The following ATP11C variants were observed in gnomAD, a reference collection of about 807,000 sequenced individuals.
The protein encoded by ATP11C is phospholipid-transporting ATPase IG.
A neutral mutation model predicts 97.4 loss-of-function variants in ATP11C; 36 were observed. The ratio of observed to expected loss-of-function variants is 0.37; its 90% CI spans 0.28 to 0.49. ATP11C has a LOEUF of 0.49. Among genes scored for constraint, ATP11C ranks in the 20% least tolerant of loss-of-function variants. ATP11C has a pLI of 0.98. For missense variants in ATP11C, 730 were observed against 824.6 expected, an observed-to-expected ratio of 0.89 and a Z score of 1.40; for synonymous variants, 275 against 290.9, an observed-to-expected ratio of 0.95 and a Z score of 0.56.
chrX:139,905,610 A>G (rs1487126607), intron 1 of ATP11C, among the ~76,000 whole-genome samples: 6 of 112,329 alleles, frequency 5.3e-5, no homozygotes, highest in Non-Finnish European at 1.1e-4. Context: ...GGGATTAGAG[A>G]AAAAATAGGC....
upstream of ATP11C, among the ~76,000 whole-genome samples, chrX:139,934,339 A>C (rs974871442): frequency 9.0e-6 from 1 of 111,519 alleles, no homozygotes; most frequent in African/African-American, 3.3e-5. Flanking sequence ...ACTGCCAAGA[A>C]GTAAAACCAA....
In ATP11C at chrX:139,859,920, G is replaced by T. The variant is rs1380123568; in HGVS notation, c.28-33097C>A. Among the ~76,000 whole-genome samples, 3 of 84,647 alleles carry T rather than the reference G, an allele frequency of 3.5e-5. 1 individual carries two copies. The highest frequency in any genetic ancestry group is 1.7e-4 in the African/African-American group (2 of 11,788). 73.5% of individuals were successfully genotyped at this position (84,647 alleles called of 115,157 possible). On this transcript the variant is annotated intron_variant, in intron 1 of 29. Transcript: ENST00000682941. ...ATCGAGACCATCCCGGCTAAAAACG[G>T]TGAAACCCCGTCTCTACTAAAAATA...
chrX:139,864,092 G>A (rs769281526), intron 1 of ATP11C, among the ~76,000 whole-genome samples: 59 of 111,309 alleles, frequency 5.3e-4, no homozygotes, highest in African/African-American at 1.8e-3. Context: ...GAAGAAAAAC[G>A]AAAAGAGTAT....
At chrX:139,736,043 T>C (rs1463797314) in intron 28 of ATP11C, among the ~76,000 whole-genome samples, 8 of 112,002 alleles carry the variant, frequency 7.1e-5, no homozygotes, top group Non-Finnish European at 1.9e-5. Flanking sequence ...GACACTAGAA[T>C]TCTTCCTACG....
intron 1 of ATP11C, among the ~76,000 whole-genome samples, chrX:139,859,817 C>T (rs1402428539): frequency 1.5e-4 from 15 of 98,841 alleles, no homozygotes; most frequent in Non-Finnish European, 2.5e-4. Flanking sequence ...AAAGAAAGTG[C>T]TTGGCTGGGC....
At chrX:139,753,487 T>C (rs908368459) in intron 23 of ATP11C, among the ~76,000 whole-genome samples, 4 of 111,277 alleles carry the variant, frequency 3.6e-5, no homozygotes, top group African/African-American at 1.3e-4. Flanking sequence ...AAGAGGGAAA[T>C]TTATAGCACT....
At chrX:139,783,340 T>A in intron 16 of ATP11C, 73 bp from the exon 17 acceptor site, 1 of 718,865 alleles carries the variant, frequency 1.4e-6, no homozygotes, top group Non-Finnish European at 2.1e-6. Flanking sequence ...GAGTAACTTT[T>A]AAAGCGGTCT....
At chrX:139,748,320 A>C (rs757332150) in intron 24 of ATP11C, among the ~76,000 whole-genome samples, 10 of 109,807 alleles carry the variant, frequency 9.1e-5, no homozygotes, top group Non-Finnish European at 1.7e-4. Context: ...TAAGTAGCAG[A>C]GGCTTTCAGC....
At position 139,798,717 on chromosome X, in the gene ATP11C, A is replaced by T; in HGVS notation, c.737T>A (p.Leu246Gln). Residue 246 changes from leucine (L) to glutamine (Q), a missense_variant, in exon 9 of 30, where the codon CTG becomes CAG. Leu to Gln is a moderately radical substitution (Grantham distance 113). Transcript: ENST00000682941. Reference protein sequence around the residue: ...ARSLGPENLLLKGATLKNTEK... With the variant: ...ARSLGPENLLQKGATLKNTEK... ...GGTATTTTTTAGCGTAGCTCCTTTCAGCAAGAGATTTTCAGGTCCCAAAGA... is the reference window on the plus strand; with the variant it reads ...GGTATTTTTTAGCGTAGCTCCTTTCTGCAAGAGATTTTCAGGTCCCAAAGA... The T allele has an allele frequency of 8.3e-7, 1 of 1,208,624 alleles. No homozygotes were observed. Among genetic ancestry groups the T allele is most frequent in the Non-Finnish European group, 1.1e-6 (1 of 893,218 alleles).
chrX:139,782,412 TAATA>T (rs2082482031), intron 18 of ATP11C, 131 bp downstream of exon 18: 3 of 378,292 alleles, frequency 7.9e-6, no homozygotes, highest in Non-Finnish European at 1.3e-5. Context: ...ATACTTGCTA[TAATA>T]AATAAATCTT....
rs1259900267 is a variant in ATP11C, at chrX:139,753,313, A to T, written c.2701-3161T>A. 1.2e-4 allele frequency among the ~76,000 whole-genome samples: 14 copies of T among 112,127 alleles called. No individual in the cohort carries two copies. In the Admixed American group the frequency reaches 1.3e-3, roughly 11 times the overall value. The stretch of plus-strand genomic sequence containing the variant: ...ATAAAAATAGAAATGAATACTAAGA[A>T]AATCACTCAAAACCATACAACAACA... On this transcript the variant is annotated intron_variant, in intron 23 of 29. Coordinates refer to ENST00000682941, the MANE Select transcript of ATP11C (RefSeq NM_001353812.2).
At position 139,912,004 on chromosome X, in the gene ATP11C, C is replaced by T. The variant is rs75695490; in HGVS notation, c.27+20012G>A. 4.6e-3 allele frequency among the ~76,000 whole-genome samples: 492 copies of T among 108,081 alleles called. 4 individuals are homozygous for T. Among genetic ancestry groups the T allele is most frequent in the African/African-American group, 0.015 (455 of 29,689 alleles). 93.9% of individuals were successfully genotyped at this position (108,081 alleles called of 115,157 possible). Reference sequence around the variant, plus strand: ...GACCAGCCTGGCCATGGCAAGACCCCGTCTCTACTAAAATACAAAAATCAG... The same window carrying T: ...GACCAGCCTGGCCATGGCAAGACCCTGTCTCTACTAAAATACAAAAATCAG... On this transcript the variant is annotated intron_variant, in intron 1 of 29. Transcript: ENST00000682941.
intron 1 of ATP11C, among the ~76,000 whole-genome samples, chrX:139,891,899 C>T (rs2084736889): frequency 9.0e-6 from 1 of 111,240 alleles, no homozygotes; most frequent in African/African-American, 3.3e-5. Context: ...CTCTGTTGCC[C>T]AGGCTGGAGT....
chrX:139,769,557 T>G (rs775533031), intron 19 of ATP11C, among the ~76,000 whole-genome samples: 4 of 107,922 alleles, frequency 3.7e-5, no homozygotes, highest in Non-Finnish European at 1.9e-5. Flanking sequence ...AAGACAAATG[T>G]GTAACAGGTG....
chrX:139,914,749 C>A (rs898364548), intron 1 of ATP11C, among the ~76,000 whole-genome samples: 6 of 111,563 alleles, frequency 5.4e-5, no homozygotes. Flanking sequence ...AGTCTTGAAC[C>A]TACCAGTCTT....
At chrX:139,803,130 C>G in intron 6 of ATP11C, among the ~76,000 whole-genome samples, 1 of 111,904 alleles carries the variant, frequency 8.9e-6, no homozygotes, top group East Asian at 2.8e-4. Context: ...TTGAAAACCT[C>G]TGTACTTTTA....
chrX:139,857,124 C>T (rs1360316339), intron 1 of ATP11C, among the ~76,000 whole-genome samples: 1 of 111,660 alleles, frequency 9.0e-6, no homozygotes, highest in Non-Finnish European at 1.9e-5. Flanking sequence ...AATGAGTGTA[C>T]TTAATCTTGT....
At chrX:139,776,639 T>C (rs1218983691) in intron 18 of ATP11C, among the ~76,000 whole-genome samples, 1 of 111,198 alleles carries the variant, frequency 9.0e-6, no homozygotes, top group Admixed American at 9.5e-5. Context: ...CCTGCCACCA[T>C]CCTTCCCTCA....
intron 19 of ATP11C, among the ~76,000 whole-genome samples, chrX:139,773,519 T>A (rs767896665): frequency 8.9e-6 from 1 of 112,015 alleles, no homozygotes; most frequent in East Asian, 2.8e-4. Flanking sequence ...ATCCATCCAA[T>A]CTATGGTATT....
Sources: allele counts gnomAD v4.1 joint callset (sites outside exome capture counted in the v4.1 genomes callset), GRCh38; gene constraint gnomAD v4.1.1; transcripts MANE v1.5; gene names NCBI Gene and HGNC (gene_info 2026-07-23, HGNC 2026-07-21).